The following CDK13 variants were observed in gnomAD, a reference collection of about 807,000 sequenced individuals.
CDK13 encodes the protein cyclin-dependent kinase 13.
CDK13 carries 40 observed loss-of-function variants against 137.6 expected under a neutral mutation model. The observed-to-expected ratio is 0.29, with a 90% CI of 0.23 to 0.38. CDK13 has a LOEUF of 0.38. Ranked by LOEUF, CDK13 falls within the 10% of genes least tolerant of loss-of-function variation. The probability of loss-of-function intolerance (pLI) is 1.00; values close to 1 mark genes in which losing one functional copy is unlikely to be tolerated. For synonymous variants in CDK13, 869 were observed against 760.1 expected (o/e 1.14, Z -2.36); for missense variants, 1,704 against 1,951.8 (o/e 0.87, Z 2.39).
chr7:40,070,088 AAAAAAG>A (rs1786380179), intron 9 of CDK13: 1 of 153,594 alleles, frequency 6.5e-6, no homozygotes. Flanking sequence ...AAAAAAAAAA[AAAAAAG>A]CCGGGCATGG....
In CDK13 at chr7:39,950,771, C is replaced by T. The variant is rs1787128713; in HGVS notation, c.130C>T (p.Leu44=). The T allele has an allele frequency of 1.2e-5, 17 of 1,476,526 alleles. No homozygotes were observed. Among genetic ancestry groups the T allele is most frequent in the East Asian group, 3.0e-5 (1 of 33,894 alleles). 91.5% of individuals were successfully genotyped at this position (1,476,526 alleles called of 1,614,324 possible). A position where few individuals can be genotyped will look rare whatever the true frequency, so the allele number is the denominator to read the frequency against. Residue 44 remains leucine (L), a synonymous_variant, in exon 1 of 14, where the codon CTG becomes TTG. Coordinates refer to ENST00000181839, the MANE Select transcript of CDK13 (RefSeq NM_003718.5). ...GCAGCCGCCGCTGCTGTTGCCGCTC[C>T]TGCAGCCGCAGCTCCTGCAACCGCC... ...PQQPPLLLPL[L]QPQLLQPPPP... is the part of the protein sequence containing the mutation.
At chr7:40,027,657 T>G (rs969189928) in intron 5 of CDK13, among the ~76,000 whole-genome samples, 3 of 130,554 alleles carry the variant, frequency 2.3e-5, no homozygotes, top group African/African-American at 3.4e-5. Context: ...CCCTTGGGCT[T>G]TTTTTTTTTT....
intron 12 of CDK13, among the ~76,000 whole-genome samples, chr7:40,090,280 C>T (rs2150545737): frequency 6.6e-6 from 1 of 152,226 alleles, no homozygotes; most frequent in African/African-American, 2.4e-5. Context: ...TTTCTGGGCT[C>T]ATTTTGTTGT....
At chr7:39,986,090 G>A (rs1784333326) in intron 1 of CDK13, 1 of 152,240 alleles carries the variant, frequency 6.6e-6, no homozygotes, top group African/African-American at 2.4e-5. Flanking sequence ...AGATAGGGCA[G>A]TTGTAGTAAG....
At position 40,027,817 on chromosome 7, in the gene CDK13, A is replaced by T. The variant is rs775438160; in HGVS notation, c.2354-18019A>T. On this transcript the variant is annotated intron_variant, in intron 5 of 13. Coordinates refer to ENST00000181839, the MANE Select transcript of CDK13 (RefSeq NM_003718.5). ...GAGACTTAACGCTGAGATTTCCTAT[A>T]CAGAGTGAGGTCCTCTTACCTGTGC... Among the ~76,000 whole-genome samples, 20 of 152,120 alleles carry T rather than the reference A, an allele frequency of 1.3e-4. No individual in the cohort carries two copies. In the South Asian group the frequency reaches 3.1e-3, roughly 24 times the overall value.
At chr7:40,012,966 T>C (rs951266193) in intron 5 of CDK13, among the ~76,000 whole-genome samples, 4 of 151,342 alleles carry the variant, frequency 2.6e-5, no homozygotes, top group African/African-American at 9.7e-5. Context: ...TAAGCTCATG[T>C]TCATAGCAGC....
chr7:40,069,159 A>C (rs768861778), intron 9 of CDK13, among the ~76,000 whole-genome samples: 12 of 152,186 alleles, frequency 7.9e-5, no homozygotes, highest in Non-Finnish European at 1.5e-4. Context: ...CCCGAACCCA[A>C]GGGAGGTCGA....
At chr7:39,953,978 C>T (rs1379294223) in intron 1 of CDK13, among the ~76,000 whole-genome samples, 10 of 152,136 alleles carry the variant, frequency 6.6e-5, no homozygotes, top group Admixed American at 1.3e-4. Flanking sequence ...GAAAATTTAT[C>T]TTTTTAAAGC....
chr7:39,976,319 TCTCTCACACACA>T (rs1389438376), intron 1 of CDK13, among the ~76,000 whole-genome samples: 8 of 54,320 alleles, frequency 1.5e-4, no homozygotes, highest in Middle Eastern at 0.015. Context: ...TCTCTCTCTC[TCTCTCACACACA>T]CACACACACA....
intron 6 of CDK13, among the ~76,000 whole-genome samples, chr7:40,047,036 T>A (rs111633063): frequency 1.4e-4 from 16 of 117,588 alleles, no homozygotes; most frequent in Non-Finnish European, 2.0e-4. Flanking sequence ...AAAAAAAAAA[T>A]CTAATAATAG....
At chr7:39,961,764 C>G (rs1297312764) in intron 1 of CDK13, among the ~76,000 whole-genome samples, 2 of 151,786 alleles carry the variant, frequency 1.3e-5, no homozygotes, top group Non-Finnish European at 2.9e-5. Context: ...TTAGGTATAT[C>G]TCCTAATGCT....
At chr7:40,041,566 G>GAGCTCATTAGCCAC (rs1785606013) in intron 5 of CDK13, among the ~76,000 whole-genome samples, 1 of 152,076 alleles carries the variant, frequency 6.6e-6, no homozygotes, top group Non-Finnish European at 1.5e-5. Flanking sequence ...CACATTTCAA[G>GAGCTCATTAGCCAC]AGCTCATTAG....
chr7:39,975,825 C>G (rs1232759490), intron 1 of CDK13, among the ~76,000 whole-genome samples: 2 of 152,168 alleles, frequency 1.3e-5, no homozygotes, highest in African/African-American at 4.8e-5. Flanking sequence ...AGTCACAACA[C>G]AGAGTTTTAT....
intron 2 of CDK13, among the ~76,000 whole-genome samples, chr7:39,995,299 G>GT (rs1388125804): frequency 2.0e-5 from 3 of 152,076 alleles, no homozygotes; most frequent in Non-Finnish European, 4.4e-5. Flanking sequence ...TAAGACTTTA[G>GT]TTTTTTGCTC....
At chr7:40,075,162 T>C (rs116990419) in intron 9 of CDK13, among the ~76,000 whole-genome samples, 2,464 of 152,100 alleles carry the variant, frequency 0.016, 38 homozygotes, top group Middle Eastern at 0.054. Flanking sequence ...GACACCAGAG[T>C]AGATTGATGG....
At chr7:40,078,144 T>TCC in intron 10 of CDK13, 23 bp downstream of exon 10, 12 of 1,100,512 alleles carry the variant, frequency 1.1e-5, no homozygotes, top group Non-Finnish European at 1.5e-5. Flanking sequence ...TGTGTAAACA[T>TCC]CCTTATTGCA....
Position 40,097,251 on chromosome 7 carries a change from A to G in CDK13, c.*2271A>G, listed in dbSNP as rs952685642. 2 of 152,090 alleles carry G rather than the reference A, an allele frequency of 1.3e-5. No individual in the cohort carries two copies. Among genetic ancestry groups the G allele is most frequent in the African/African-American group, 4.8e-5 (2 of 41,442 alleles). The allele number at this position is 152,090 out of a possible 1,614,324, so 9.4% of individuals were successfully genotyped here. A position where few individuals can be genotyped will look rare whatever the true frequency, so the allele number is the denominator to read the frequency against. ...ATTGAAAATTTGAACTAGAACTTCTAATATTATCCTTACACAGCACTACTG... is the reference window on the plus strand; with the variant it reads ...ATTGAAAATTTGAACTAGAACTTCTGATATTATCCTTACACAGCACTACTG... On this transcript the variant is annotated 3_prime_UTR_variant, in exon 14 of 14. Coordinates refer to ENST00000181839, the MANE Select transcript of CDK13 (RefSeq NM_003718.5).
chr7:40,052,877 C>CA (rs1488582757), intron 7 of CDK13, among the ~76,000 whole-genome samples: 1 of 152,090 alleles, frequency 6.6e-6, no homozygotes, highest in South Asian at 2.1e-4. Context: ...CCTCCTGATG[C>CA]AGATGAGTGC....
At chr7:39,976,323 T>TCA (rs764395925) in intron 1 of CDK13, among the ~76,000 whole-genome samples, 959 of 39,546 alleles carry the variant, frequency 0.024, 38 homozygotes, top group African/African-American at 0.057. Flanking sequence ...TCTCTCTCTC[T>TCA]CACACACACA....
Sources: gnomAD v4.1 joint callset for allele counts (sites outside exome capture counted in the v4.1 genomes callset) on GRCh38, gnomAD v4.1.1 for gene constraint, MANE v1.5 for transcripts, NCBI Gene and HGNC (gene_info 2026-07-23, HGNC 2026-07-21) for gene names.